Variants in HYCC1 observed in about 807,000 individuals in gnomAD.
HYCC1 encodes hyccin.
At chr7:22,941,167 T>C in the HYCC1 span, 1 of 152,178 alleles carries the variant, frequency 6.6e-6, no homozygotes, top group East Asian at 1.9e-4. Context: ...TCAACTTACC[T>C]AAGTCTTCCT....
the HYCC1 span, among the ~76,000 whole-genome samples, chr7:22,922,863 A>G: frequency 6.6e-5 from 10 of 152,246 alleles, no homozygotes; most frequent in African/African-American, 2.2e-4. Context: ...TCAGGAAGCT[A>G]TAACAATTAG....
chr7:22,979,827 C>T, the HYCC1 span, among the ~76,000 whole-genome samples: 2 of 151,988 alleles, frequency 1.3e-5, no homozygotes, highest in East Asian at 1.9e-4. Flanking sequence ...TTTTGCCATA[C>T]GAAAATATAA....
chr7:22,958,604 C>T, the HYCC1 span, among the ~76,000 whole-genome samples: 1 of 152,052 alleles, frequency 6.6e-6, no homozygotes, highest in African/African-American at 2.4e-5. Context: ...CTGCTAGAAA[C>T]AATACATTCA....
chr7:22,901,899 A>G, the HYCC1 span, among the ~76,000 whole-genome samples: 1 of 152,328 alleles, frequency 6.6e-6, no homozygotes, highest in East Asian at 1.9e-4. Context: ...GACATAGTAG[A>G]TTTGAATAAT....
chr7:22,978,629 T>A, the HYCC1 span, among the ~76,000 whole-genome samples: 1 of 152,304 alleles, frequency 6.6e-6, no homozygotes, highest in Admixed American at 6.5e-5. Flanking sequence ...CACATGCCAC[T>A]ATATAAAGGA....
the HYCC1 span, among the ~76,000 whole-genome samples, chr7:22,897,188 AACG>A: frequency 6.6e-6 from 1 of 152,188 alleles, no homozygotes; most frequent in Admixed American, 6.5e-5. Context: ...CTGTTCCAAG[AACG>A]ACAAGCTGGT....
the HYCC1 span, among the ~76,000 whole-genome samples, chr7:22,969,842 T>A: frequency 6.6e-6 from 1 of 152,074 alleles, no homozygotes; most frequent in African/African-American, 2.4e-5. Context: ...ATAATTTAGT[T>A]TGATGTAGAT....
At chr7:22,909,971 A>ATG in the HYCC1 span, among the ~76,000 whole-genome samples, 1 of 152,202 alleles carries the variant, frequency 6.6e-6, no homozygotes, top group East Asian at 1.9e-4. Flanking sequence ...CCTTTAGTGC[A>ATG]TGTGTATGAA....
chr7:22,976,365 T>A, the HYCC1 span: 2 of 1,199,018 alleles, frequency 1.7e-6, no homozygotes. Context: ...TCAACTATAA[T>A]AGGGGAGAGA....
At chr7:22,991,395 C>T in the HYCC1 span, among the ~76,000 whole-genome samples, 2 of 151,922 alleles carry the variant, frequency 1.3e-5, no homozygotes, top group Admixed American at 6.6e-5. Flanking sequence ...ATGCCAGCTG[C>T]AAAACATATT....
chr7:22,975,436 C>G, the HYCC1 span, among the ~76,000 whole-genome samples: 1 of 152,074 alleles, frequency 6.6e-6, no homozygotes, highest in African/African-American at 2.4e-5. Flanking sequence ...ATACTATACT[C>G]AAGGATATAA....
chr7:22,938,299 A>AC, the HYCC1 span: 2 of 152,206 alleles, frequency 1.3e-5, no homozygotes, highest in Admixed American at 6.5e-5. Context: ...ATCTTCAAGA[A>AC]CCCTGCTTGC....
At chr7:22,924,012 AAAC>A in the HYCC1 span, among the ~76,000 whole-genome samples, 2 of 149,412 alleles carry the variant, frequency 1.3e-5, no homozygotes, top group African/African-American at 2.5e-5. Flanking sequence ...AAAAAAAAAA[AAAC>A]CCAAAAAAAC....
At chr7:22,990,856 C>T in the HYCC1 span, among the ~76,000 whole-genome samples, 1 of 152,270 alleles carries the variant, frequency 6.6e-6, no homozygotes, top group South Asian at 2.1e-4. Context: ...AATGAATAAA[C>T]TCTTTGAACC....
chr7:22,906,532 C>T, the HYCC1 span, among the ~76,000 whole-genome samples: 2 of 150,552 alleles, frequency 1.3e-5, no homozygotes, highest in South Asian at 2.1e-4. Flanking sequence ...GAGCCAAGAT[C>T]GCGCCACTGC....
At chr7:22,943,674 C>T in the HYCC1 span, 3 of 152,542 alleles carry the variant, frequency 2.0e-5, no homozygotes, top group Non-Finnish European at 4.4e-5. Context: ...AATACCAATA[C>T]TATTAATAAC....
the HYCC1 span, among the ~76,000 whole-genome samples, chr7:22,932,029 A>C: frequency 2.0e-5 from 3 of 152,322 alleles, no homozygotes; most frequent in East Asian, 3.9e-4. Context: ...CTAGATAGCA[A>C]AAGATGAGAA....
the HYCC1 span, among the ~76,000 whole-genome samples, chr7:22,961,667 C>T: frequency 6.6e-6 from 1 of 152,056 alleles, no homozygotes; most frequent in Non-Finnish European, 1.5e-5. Context: ...GTTCAGAACA[C>T]TTTATGGCCA....
chr7:22,924,940 G>A, the HYCC1 span, among the ~76,000 whole-genome samples: 23 of 152,216 alleles, frequency 1.5e-4, no homozygotes, highest in Admixed American at 3.9e-4. Context: ...CCCAGTAGGC[G>A]GGGACTGACA....
Sources: allele counts gnomAD v4.1 joint callset (sites outside exome capture counted in the v4.1 genomes callset), GRCh38; gene constraint gnomAD v4.1.1; transcripts MANE v1.5; gene names NCBI Gene and HGNC (gene_info 2026-07-23, HGNC 2026-07-21).